The following RSPO4 variants were observed in gnomAD, a reference collection of about 807,000 sequenced individuals.
RSPO4 encodes R-spondin-4.
In RSPO4, 23 loss-of-function variants were observed where a neutral mutation model predicts 24.8. The ratio of observed to expected loss-of-function variants is 0.93; its 90% CI spans 0.67 to 1.31. The LOEUF is 1.31. Among genes scored for constraint, RSPO4 ranks in the 40% most tolerant of loss-of-function variants. The probability of loss-of-function intolerance (pLI) is 0.00; values close to 1 mark genes in which losing one functional copy is unlikely to be tolerated. For missense variants in RSPO4, 333 were observed against 316.5 expected (o/e 1.05, Z -0.39); for synonymous variants, 141 against 127.4 (o/e 1.11, Z -0.72).
chr20:996,781 C>T (rs148095954), intron 1 of RSPO4, among the ~76,000 whole-genome samples: 7 of 152,134 alleles, frequency 4.6e-5, no homozygotes, highest in Admixed American at 2.6e-4. Context: ...CCCTCCATGA[C>T]GGGACTCTGG....
At position 958,756 on chromosome 20, in the gene RSPO4, C is replaced by T. The variant is rs1306062850; in HGVS notation, c.*1601G>A. 1.3e-5 allele frequency: 2 copies of T among 152,158 alleles called. No individual in the cohort carries two copies. The allele number at this position is 152,158 out of a possible 1,614,324, so 9.4% of individuals were successfully genotyped here. On this transcript the variant is annotated 3_prime_UTR_variant, in exon 5 of 5. Coordinates refer to ENST00000217260, the MANE Select transcript of RSPO4 (RefSeq NM_001029871.4). ...AATATTTCATCACCTAGAGCCTCTC[C>T]CCCAGCCTGCTGACCATCTTCCTTC...
intron 1 of RSPO4, among the ~76,000 whole-genome samples, chr20:972,614 G>A (rs1361542277): frequency 2.0e-5 from 3 of 152,216 alleles, no homozygotes; most frequent in South Asian, 2.1e-4. Context: ...ACAGCTTGGC[G>A]TGGCTGTATT....
intron 1 of RSPO4, among the ~76,000 whole-genome samples, chr20:997,246 T>G (rs1249951256): frequency 6.6e-6 from 1 of 152,104 alleles, no homozygotes; most frequent in Non-Finnish European, 1.5e-5. Flanking sequence ...CTTCAGTGGC[T>G]GGGCAGGGGG....
At chr20:986,645 C>A (rs953104304) in intron 1 of RSPO4, among the ~76,000 whole-genome samples, 1 of 116,262 alleles carries the variant, frequency 8.6e-6, no homozygotes, top group Admixed American at 1.2e-4. Flanking sequence ...TACGACTGTG[C>A]ATTGGGGGTG....
intron 2 of RSPO4, 68 bp downstream of exon 2, chr20:967,882 G>C: frequency 1.4e-6 from 2 of 1,427,110 alleles, no homozygotes; most frequent in Non-Finnish European, 2.0e-6. Flanking sequence ...TGGGGTGAAA[G>C]GGTGGGATCT....
intron 1 of RSPO4, among the ~76,000 whole-genome samples, chr20:972,174 C>G (rs547569613): frequency 2.8e-4 from 42 of 152,336 alleles, no homozygotes; most frequent in Non-Finnish European, 4.1e-4. Flanking sequence ...AAGCAATCCT[C>G]CCTCCTCAGC....
chr20:965,689 A>G (rs1027235547), intron 3 of RSPO4, among the ~76,000 whole-genome samples: 5 of 152,146 alleles, frequency 3.3e-5, no homozygotes, highest in African/African-American at 1.2e-4. Flanking sequence ...GTGGGGAGAA[A>G]GGGATGAGCT....
intron 1 of RSPO4, among the ~76,000 whole-genome samples, chr20:976,268 G>A (rs1948443842): frequency 1.3e-5 from 2 of 152,256 alleles, no homozygotes; most frequent in South Asian, 4.1e-4. Flanking sequence ...CTGGACCCTT[G>A]TCCTCTTTCC....
At chr20:985,293 C>T (rs1984884363) in intron 1 of RSPO4, among the ~76,000 whole-genome samples, 2 of 150,726 alleles carry the variant, frequency 1.3e-5, no homozygotes, top group African/African-American at 2.5e-5. Flanking sequence ...ATCTATCCAT[C>T]CATCCATCCA....
At chr20:961,107 T>C (rs1983984250) in intron 4 of RSPO4, among the ~76,000 whole-genome samples, 1 of 152,190 alleles carries the variant, frequency 6.6e-6, no homozygotes, top group Non-Finnish European at 1.5e-5. Context: ...TTTTCTTCTT[T>C]ATTTCCTTTA....
chr20:996,503 G>T (rs1383529223), intron 1 of RSPO4, among the ~76,000 whole-genome samples: 1 of 152,218 alleles, frequency 6.6e-6, no homozygotes, highest in Non-Finnish European at 1.5e-5. Context: ...TTGAGGTGCA[G>T]CCTCAGAGGT....
intron 1 of RSPO4, 142 bp downstream of exon 1, chr20:1,001,944 G>A (rs1415575834): frequency 1.0e-5 from 7 of 681,578 alleles, no homozygotes; most frequent in Non-Finnish European, 1.8e-5. Context: ...TCTTAAGTGA[G>A]GTTGAGACTC....
At chr20:998,827 C>T (rs113579699) in intron 1 of RSPO4, among the ~76,000 whole-genome samples, 6 of 152,236 alleles carry the variant, frequency 3.9e-5, no homozygotes, top group Middle Eastern at 3.4e-3. Context: ...ACTGCCAATA[C>T]CCAGGTGTTT....
Position 963,442 on chromosome 20 carries a change from C to T in RSPO4, c.595+493G>A, listed in dbSNP as rs970042440. Among the ~76,000 whole-genome samples the T allele has an allele frequency of 6.6e-5, 10 of 152,120 alleles. 1 individual carries two copies. Among genetic ancestry groups the T allele is most frequent in the African/African-American group, 2.4e-4 (10 of 41,408 alleles). On this transcript the variant is annotated intron_variant, in intron 4 of 4. Coordinates refer to ENST00000217260, the MANE Select transcript of RSPO4 (RefSeq NM_001029871.4). ...AATCGCATCTCTGATGGCGATGTGG[C>T]CACGTACTTGGGGCGCTGACCACGG... is the stretch of plus-strand genomic sequence containing the variant.
At position 959,415 on chromosome 20, in the gene RSPO4, C is replaced by T. The variant is rs1360991759; in HGVS notation, c.*942G>A. ...CTTCCTTCTCAGACCTGTTTCCCCA[C>T]ATGGGCAGGAAGCGCTGAGGTGGGG... On this transcript the variant is annotated 3_prime_UTR_variant, in exon 5 of 5. Transcript: ENST00000217260. 6.6e-6 allele frequency: 1 copy of T among 152,450 alleles called. No individual in the cohort carries two copies. Among genetic ancestry groups the T allele is most frequent in the Non-Finnish European group, 1.5e-5 (1 of 68,202 alleles). The allele number at this position is 152,450 out of a possible 1,614,324, so 9.4% of individuals were successfully genotyped here.
At chr20:986,562 G>A (rs1220261258) in intron 1 of RSPO4, among the ~76,000 whole-genome samples, 1 of 149,288 alleles carries the variant, frequency 6.7e-6, no homozygotes, top group African/African-American at 2.5e-5. Context: ...ACTGGACTAG[G>A]CTTTTTAATA....
At chr20:1,001,439 C>G (rs1227408627) in intron 1 of RSPO4, among the ~76,000 whole-genome samples, 1 of 152,236 alleles carries the variant, frequency 6.6e-6, no homozygotes, top group Non-Finnish European at 1.5e-5. Context: ...CATTTATAAT[C>G]TGAACCTTGG....
chr20:993,491 G>A (rs745476901), intron 1 of RSPO4, among the ~76,000 whole-genome samples: 3 of 152,180 alleles, frequency 2.0e-5, no homozygotes, highest in Non-Finnish European at 4.4e-5. Context: ...AGCACATCAC[G>A]ACCTTTCCCC....
intron 4 of RSPO4, among the ~76,000 whole-genome samples, chr20:963,401 T>C (rs1487807390): frequency 1.3e-5 from 2 of 152,158 alleles, no homozygotes; most frequent in African/African-American, 4.8e-5. Flanking sequence ...TTACTAATCA[T>C]TGGTCACTGT....
Sources: gnomAD v4.1 joint callset for allele counts (sites outside exome capture counted in the v4.1 genomes callset) on GRCh38, gnomAD v4.1.1 for gene constraint, MANE v1.5 for transcripts, NCBI Gene and HGNC (gene_info 2026-07-23, HGNC 2026-07-21) for gene names.